The following PRELID2 variants were observed in gnomAD, a reference collection of about 807,000 sequenced individuals.
PRELID2 encodes the protein PRELI domain-containing protein 2.
PRELID2 carries 25 observed loss-of-function variants against 28.4 expected under a neutral mutation model. The ratio of observed to expected loss-of-function variants is 0.88; its 90% CI spans 0.64 to 1.23. PRELID2 has a LOEUF of 1.23. Among genes scored for constraint, PRELID2 ranks in the 50% most tolerant of loss-of-function variants. PRELID2 has a pLI of 0.00. For synonymous variants in PRELID2, 76 were observed against 71.6 expected, an observed-to-expected ratio of 1.06 and a Z score of -0.31; for missense variants, 201 against 214.4, an observed-to-expected ratio of 0.94 and a Z score of 0.39.
chr5:145,445,749 C>T, the PRELID2 span, among the ~76,000 whole-genome samples: 6 of 151,784 alleles, frequency 4.0e-5, no homozygotes, highest in East Asian at 5.8e-4. Flanking sequence ...AAAACACACA[C>T]ACACACACAC....
intron 1 of PRELID2, among the ~76,000 whole-genome samples, chr5:145,563,173 A>G (rs183810338): frequency 2.0e-5 from 3 of 152,338 alleles, no homozygotes; most frequent in Non-Finnish European, 4.4e-5. Flanking sequence ...TCAGCATGCA[A>G]TTCTGGAACT....
At chr5:145,755,155 G>A (rs1757223552), downstream of PRELID2, among the ~76,000 whole-genome samples, 1 of 152,188 alleles carries the variant, frequency 6.6e-6, no homozygotes, top group Non-Finnish European at 1.5e-5. Context: ...GCTACCAAGA[G>A]GTAGAAGTGG....
intron 1 of PRELID2, among the ~76,000 whole-genome samples, chr5:145,571,504 T>C (rs1163655739): frequency 6.6e-6 from 1 of 152,178 alleles, no homozygotes; most frequent in African/African-American, 2.4e-5. Context: ...TGAAAGAAAT[T>C]AAAGTATTTT....
the PRELID2 span, among the ~76,000 whole-genome samples, chr5:145,312,842 C>T: frequency 2.0e-5 from 3 of 151,948 alleles, no homozygotes; most frequent in African/African-American, 7.2e-5. Flanking sequence ...ATTTTTTCAA[C>T]ATGTTGATTC....
intron 1 of PRELID2, among the ~76,000 whole-genome samples, chr5:145,582,453 C>T (rs1753115234): frequency 6.6e-6 from 1 of 151,932 alleles, no homozygotes; most frequent in Admixed American, 6.6e-5. Flanking sequence ...GGGAAGTCGG[C>T]CCCCATGATT....
chr5:145,478,436 A>G (rs1211831070), intron 1 of PRELID2, among the ~76,000 whole-genome samples: 1 of 152,024 alleles, frequency 6.6e-6, no homozygotes, highest in Non-Finnish European at 1.5e-5. Context: ...AATCCCAGCT[A>G]CTGGGGGATC....
At chr5:145,409,243 A>C in the PRELID2 span, among the ~76,000 whole-genome samples, 5 of 152,202 alleles carry the variant, frequency 3.3e-5, no homozygotes, top group African/African-American at 9.6e-5. Context: ...AACAAACCTT[A>C]AAATTCACCA....
chr5:145,572,767 G>C (rs952592257), intron 1 of PRELID2, among the ~76,000 whole-genome samples: 1 of 152,136 alleles, frequency 6.6e-6, no homozygotes, highest in Non-Finnish European at 1.5e-5. Flanking sequence ...GTGCTGGGCG[G>C]AAAGTAGAAC....
the PRELID2 span, among the ~76,000 whole-genome samples, chr5:145,334,810 T>A: frequency 6.7e-6 from 1 of 150,000 alleles, no homozygotes; most frequent in Non-Finnish European, 1.5e-5. Flanking sequence ...ATATAGCAGC[T>A]CACTCTTTCT....
intron 5 of PRELID2, among the ~76,000 whole-genome samples, chr5:145,772,644 C>A (rs1225631430): frequency 6.6e-6 from 1 of 152,168 alleles, no homozygotes; most frequent in African/African-American, 2.4e-5. Context: ...AGGGGTGGAG[C>A]CCTCACTATC....
chr5:145,624,730 T>A (rs926314397), intron 1 of PRELID2, among the ~76,000 whole-genome samples: 4 of 152,196 alleles, frequency 2.6e-5, no homozygotes, highest in African/African-American at 9.6e-5. Flanking sequence ...AAAAGAGATT[T>A]ATAAATTTGG....
At chr5:145,274,976 C>T in the PRELID2 span, among the ~76,000 whole-genome samples, 3 of 152,112 alleles carry the variant, frequency 2.0e-5, no homozygotes, top group East Asian at 5.8e-4. Context: ...GCCAGCTTTT[C>T]ACTATGTCCT....
chr5:145,815,124 G>A (rs1754209933), intron 4 of PRELID2, among the ~76,000 whole-genome samples: 1 of 152,132 alleles, frequency 6.6e-6, no homozygotes, highest in Admixed American at 6.6e-5. Context: ...TTTTGGGATT[G>A]GTGTCCTTAT....
intron 1 of PRELID2, among the ~76,000 whole-genome samples, chr5:145,548,435 T>A (rs1020018925): frequency 6.6e-6 from 1 of 152,214 alleles, no homozygotes; most frequent in Non-Finnish European, 1.5e-5. Flanking sequence ...TAAAATCATA[T>A]AATTTTATTG....
intron 1 of PRELID2, among the ~76,000 whole-genome samples, chr5:145,831,279 T>C (rs1755566006): frequency 6.6e-6 from 1 of 152,210 alleles, no homozygotes; most frequent in African/African-American, 2.4e-5. Flanking sequence ...CAAGGGCTCC[T>C]GGTCAAGTGG....
At chr5:145,501,668 T>C (rs1057214167) in intron 1 of PRELID2, among the ~76,000 whole-genome samples, 1 of 152,154 alleles carries the variant, frequency 6.6e-6, no homozygotes, top group African/African-American at 2.4e-5. Flanking sequence ...TGTGGAACAG[T>C]GAATCCATTA....
chr5:145,362,990 C>T, the PRELID2 span, among the ~76,000 whole-genome samples: 19 of 151,512 alleles, frequency 1.3e-4, no homozygotes, highest in Non-Finnish European at 2.5e-4. Context: ...TTAGACCTTA[C>T]ACTTGCAATG....
At chr5:145,627,359 A>T (rs1232774534) in intron 1 of PRELID2, among the ~76,000 whole-genome samples, 1 of 152,082 alleles carries the variant, frequency 6.6e-6, no homozygotes, top group Non-Finnish European at 1.5e-5. Context: ...GGGAAACTTC[A>T]AAAGGTAGAA....
the PRELID2 span, among the ~76,000 whole-genome samples, chr5:145,268,010 T>G: frequency 2.6e-5 from 4 of 152,230 alleles, no homozygotes; most frequent in East Asian, 7.7e-4. Flanking sequence ...AATATTTTTA[T>G]AGATAATTCT....
Sources: allele counts gnomAD v4.1 joint callset (sites outside exome capture counted in the v4.1 genomes callset), GRCh38; gene constraint gnomAD v4.1.1; transcripts MANE v1.5; gene names NCBI Gene and HGNC (gene_info 2026-07-23, HGNC 2026-07-21).